ADCY4: variants seen among roughly 807,000 people sequenced by gnomAD.
The protein encoded by ADCY4 is adenylate cyclase 4, also known as adenylate cyclase type 4.
A neutral mutation model predicts 125.5 loss-of-function variants in ADCY4; 111 were observed. The observed-to-expected ratio is 0.88, with a 90% CI of 0.76 to 1.04. The LOEUF (loss-of-function observed/expected upper bound fraction) is 1.04, where lower values mean the gene tolerates loss of function less well. ADCY4 is among the 50% of genes least tolerant of loss of function. The pLI is 0.00. For synonymous variants in ADCY4, 576 were observed against 586.9 expected (o/e 0.98, Z 0.27); for missense variants, 1,256 against 1,382.9 (o/e 0.91, Z 1.46).
Position 24,322,972 on chromosome 14 carries a change from G to A in ADCY4, c.2274C>T (p.Phe758=). Residue 758 remains phenylalanine, a synonymous_variant, in exon 18 of 25, where the codon TTC becomes TTT. Transcript: ENST00000418030. ...LLWLAASCSL[F]LHSHAWLSEC... ...CCGACAGCCAGGCATGGGAGTGCAG[G>A]AAGAGGGAGCAGGATGCCGCCAGCC... 6.2e-7 allele frequency: 1 copy of A among 1,614,012 alleles called. No individual in the cohort carries two copies. The highest frequency in any genetic ancestry group is 8.5e-7 in the Non-Finnish European group (1 of 1,179,980).
chr14:24,318,421 C>T lies in ADCY4; in HGVS notation c.3229G>A (p.Gly1077Ser). The part of the protein sequence containing the change: ...TRTGPPSATL[G>S] ...CTTAGAAGGCGAGTGCAATCTCAGC[C>T]TAGGGTAGCTGAAGGAGGTCCAGTT... The change falls in exon 25 of 25, where the codon GGC becomes AGC. Residue 1077 changes from glycine to serine, a missense_variant. By Grantham distance (56) the Gly-to-Ser change is moderately conservative (BLOSUM62 0). Transcript: ENST00000418030. 1 of 1,613,968 alleles carries T rather than the reference C, an allele frequency of 6.2e-7. No individual in the cohort carries two copies. The highest frequency in any genetic ancestry group is 8.5e-7 in the Non-Finnish European group (1 of 1,179,890).
At chr14:24,327,895 A>G (rs2041973889) in intron 10 of ADCY4, among the ~76,000 whole-genome samples, 1 of 152,202 alleles carries the variant, frequency 6.6e-6, no homozygotes, top group Admixed American at 6.5e-5. Flanking sequence ...TATACCAGAT[A>G]TAGATCTTAG....
chr14:24,321,779 T>C, intron 20 of ADCY4: 1 of 1,125,422 alleles, frequency 8.9e-7, no homozygotes, highest in Non-Finnish European at 1.1e-6. Context: ...GCCTGGGGGC[T>C]GGGGACCCCT....
intron 20 of ADCY4, among the ~76,000 whole-genome samples, chr14:24,320,913 G>C (rs1233175706): frequency 6.6e-6 from 1 of 152,028 alleles, no homozygotes; most frequent in Non-Finnish European, 1.5e-5. Context: ...CTAGAGAGAG[G>C]GGTGGACTGT....
intron 8 of ADCY4, 42 bp downstream of exon 8, chr14:24,329,818 G>T (rs1109152): frequency 7.5e-6 from 12 of 1,592,868 alleles, no homozygotes; most frequent in Non-Finnish European, 9.4e-6. Context: ...TGGTAGGCCT[G>T]GTTGGCCTTC....
Position 24,334,675 on chromosome 14 carries a change from G to A in ADCY4, c.-23C>T, listed in dbSNP as rs1046392654. ...CATGATCTCCCCAGCCCCGAGCCCC[G>A]GGGCTGGCTAGGGCCGGGCGCCGGG... is the stretch of plus-strand genomic sequence containing the variant. On this transcript the variant is annotated 5_prime_UTR_variant, in exon 1 of 25. Coordinates refer to ENST00000418030, the MANE Select transcript of ADCY4 (RefSeq NM_001198568.2). The A allele has an allele frequency of 7.9e-6, 12 of 1,521,262 alleles. No individual in the cohort carries two copies. The highest frequency in any genetic ancestry group is 2.4e-5 in the South Asian group (2 of 82,124). 94.2% of individuals were successfully genotyped at this position (1,521,262 alleles called of 1,614,324 possible). A position where few individuals can be genotyped will look rare whatever the true frequency, so the allele number is the denominator to read the frequency against.
intron 16 of ADCY4, 70 bp downstream of exon 16, chr14:24,323,992 G>C (rs981835791): frequency 3.0e-5 from 47 of 1,555,678 alleles, no homozygotes; most frequent in Non-Finnish European, 3.8e-5. Context: ...CAAATCCAGG[G>C]GTTCCCTTTC....
chr14:24,325,874 A>G lies in ADCY4; in HGVS notation c.1669T>C (p.Ser557Pro). 1 of 1,592,496 alleles carries G rather than the reference A, an allele frequency of 6.3e-7. No individual in the cohort carries two copies. The highest frequency in any genetic ancestry group is 8.6e-7 in the Non-Finnish European group (1 of 1,167,148). Residue 557 changes from serine to proline, a missense_variant, in exon 13 of 25, where the codon TCG (serine) becomes CCG (proline). Transcript: ENST00000418030. ...AGTGTCAGTGGGTTGAAGTCCTTCG[A>G]CTGCTTCCACTGTCTGGTGGGAGGT... ...QLNSQKQWKQSKDFNPLTLYF... is the reference protein window; with the variant it reads ...QLNSQKQWKQPKDFNPLTLYF...
rs375760661 is a variant in ADCY4, at chr14:24,331,225, C to T, written c.801G>A (p.Lys267=). ...STNNFHSLYV[K]RHQGVSVLYA... is the part of the protein sequence containing the mutation. ...CCTCATACCTGACTCCCTGGTGCCT[C>T]TTGACATAGAGGCTGTGGAAATTGT... Residue 267 remains lysine (K), a synonymous_variant, in exon 5 of 25, where the codon AAG becomes AAA. Transcript: ENST00000418030. The T allele has an allele frequency of 9.8e-5, 158 of 1,614,090 alleles. 1 individual carries two copies. Among genetic ancestry groups the T allele is most frequent in the East Asian group, 1.8e-4 (8 of 44,896 alleles).
rs967970798 is a variant in ADCY4 at position 24,319,182 on chromosome 14, T to C, written c.2872A>G (p.Thr958Ala). 3 of 1,613,918 alleles carry C rather than the reference T, an allele frequency of 1.9e-6. No individual in the cohort carries two copies. The highest frequency in any genetic ancestry group is 2.7e-5 in the African/African-American group (2 of 74,880). Residue 958 changes from threonine to alanine, a missense_variant, in exon 23 of 25, where the codon ACT becomes GCT. Thr to Ala is a moderately conservative substitution (Grantham distance 58). Coordinates refer to ENST00000418030, the MANE Select transcript of ADCY4 (RefSeq NM_001198568.2). This position sits in a 1 kb window ranked among gnomAD's most constrained non-coding sequence, Gnocchi z 4.5. ...AGGGCCACGGCAAATTCCACCATAG[T>C]GCCAAGGTGGCTGCAGCTCCGTTCA... ...DAERSCSHLGTMVEFAVALGS... is the reference protein window; with the variant it reads ...DAERSCSHLGAMVEFAVALGS...
At chr14:24,328,063 G>T (rs184259191) in intron 10 of ADCY4, among the ~76,000 whole-genome samples, 12 of 152,088 alleles carry the variant, frequency 7.9e-5, no homozygotes, top group African/African-American at 2.7e-4. Flanking sequence ...CCAGAAGACA[G>T]GAGTGCGAGC....
chr14:24,333,526 G>GT (rs2042084372), intron 1 of ADCY4, among the ~76,000 whole-genome samples: 2 of 152,176 alleles, frequency 1.3e-5, no homozygotes, highest in Admixed American at 1.3e-4. Context: ...ACAGCGCCCA[G>GT]CCTCCTGTTG....
chr14:24,323,526 G>C, intron 16 of ADCY4, 72 bp from the exon 17 acceptor site: 3 of 1,536,418 alleles, frequency 2.0e-6, no homozygotes, highest in Non-Finnish European at 2.6e-6. Flanking sequence ...CTGGGTTTCA[G>C]CTGACCCAGG....
intron 6 of ADCY4, 131 bp from the exon 7 acceptor site, chr14:24,330,426 A>T: frequency 7.9e-7 from 1 of 1,258,242 alleles, no homozygotes; most frequent in Non-Finnish European, 1.1e-6. Context: ...TCTAGATCAG[A>T]TCTAGGGACT....
At chr14:24,328,188 T>G (rs980044834) in intron 10 of ADCY4, among the ~76,000 whole-genome samples, 1 of 130,212 alleles carries the variant, frequency 7.7e-6, no homozygotes, top group Non-Finnish European at 1.6e-5. Flanking sequence ...GCAAAAGGTG[T>G]CAAGAAACAA....
intron 20 of ADCY4, among the ~76,000 whole-genome samples, chr14:24,321,293 C>T (rs1473976792): frequency 1.3e-5 from 2 of 151,358 alleles, no homozygotes; most frequent in African/African-American, 2.4e-5. Context: ...TGGTGGCAGG[C>T]GCCTGTAATC....
intron 17 of ADCY4, 26 bp from the exon 18 acceptor site, chr14:24,323,114 G>A: frequency 1.9e-6 from 3 of 1,611,546 alleles, no homozygotes; most frequent in South Asian, 1.1e-5. Flanking sequence ...GGGGTCAGGA[G>A]TGGGCATGTC....
Position 24,334,643 on chromosome 14 carries a change from G to T in ADCY4, c.10C>A (p.Leu4Ile). The change falls in exon 1 of 25, where the codon CTC becomes ATC. Residue 4 changes from leucine to isoleucine, a missense_variant. Physicochemically the swap from Leu to Ile is conservative, Grantham distance 5. Transcript: ENST00000418030. ...CTGGGGGGCGGCCGGGGGCTGAAGA[G>T]GCGGGCCATGATCTCCCCAGCCCCG... MAR[L>I]FSPRPPPSED... 1 of 1,547,590 alleles carries T rather than the reference G, an allele frequency of 6.5e-7. No individual in the cohort carries two copies. Among genetic ancestry groups the T allele is most frequent in the Admixed American group, 2.0e-5 (1 of 51,264 alleles).
rs549803327 is a variant in ADCY4, at chr14:24,331,106, C to T, written c.842G>A (p.Gly281Asp). The change falls in exon 6 of 25, where the codon GGC (glycine) becomes GAC (aspartate). Residue 281 changes from glycine to aspartate, a missense_variant. Coordinates refer to ENST00000418030, the MANE Select transcript of ADCY4 (RefSeq NM_001198568.2). ...ACACTCGCTGGCCAGCCGCGTGAAGCCCACGATGTCAGCATACAGCACGCT... is the reference window on the plus strand; with the variant it reads ...ACACTCGCTGGCCAGCCGCGTGAAGTCCACGATGTCAGCATACAGCACGCT... The part of the protein sequence containing the change: ...GVSVLYADIV[G>D]FTRLASECSP... 1 of 1,613,396 alleles carries T rather than the reference C, an allele frequency of 6.2e-7. No homozygotes were observed. The highest frequency in any genetic ancestry group is 8.5e-7 in the Non-Finnish European group (1 of 1,179,462).
Sources: allele counts gnomAD v4.1 joint callset (sites outside exome capture counted in the v4.1 genomes callset), GRCh38; gene constraint gnomAD v4.1.1; non-coding constraint Gnocchi (gnomAD v3.1); transcripts MANE v1.5; gene names NCBI Gene and HGNC (gene_info 2026-07-23, HGNC 2026-07-21).